CCDC178: variants seen among roughly 807,000 people sequenced by gnomAD.
CCDC178 encodes the protein coiled-coil domain-containing protein 178.
In CCDC178, 126 loss-of-function variants were observed where a neutral mutation model predicts 117.4. The ratio of observed to expected loss-of-function variants is 1.07; its 90% CI spans 0.93 to 1.24. The LOEUF is 1.24. Ranked by LOEUF, CCDC178 falls within the 50% of genes most tolerant of loss-of-function variation. The pLI is 0.00. For missense variants in CCDC178, 1,030 were observed against 986.9 expected, an observed-to-expected ratio of 1.04 and a Z score of -0.59; for synonymous variants, 283 against 313.4, an observed-to-expected ratio of 0.90 and a Z score of 1.02.
At chr18:32,941,741 A>T (rs1023592547) in intron 22 of CCDC178, among the ~76,000 whole-genome samples, 2 of 152,208 alleles carry the variant, frequency 1.3e-5, no homozygotes, top group African/African-American at 4.8e-5. Context: ...TACTGAGCTT[A>T]GACCAAAATT....
At chr18:33,108,624 T>A (rs922531558) in intron 20 of CCDC178, among the ~76,000 whole-genome samples, 2 of 151,618 alleles carry the variant, frequency 1.3e-5, no homozygotes, top group Admixed American at 6.6e-5. Flanking sequence ...ATTTTAAAGG[T>A]CTATTATTAT....
At chr18:33,210,089 A>G (rs563406713) in intron 20 of CCDC178, among the ~76,000 whole-genome samples, 119 of 152,204 alleles carry the variant, frequency 7.8e-4, no homozygotes, top group Non-Finnish European at 1.5e-3. Context: ...CAGCAAAATT[A>G]TCCAAAAAGC....
chr18:32,973,640 G>C (rs1208419557), intron 22 of CCDC178, among the ~76,000 whole-genome samples: 1 of 151,836 alleles, frequency 6.6e-6, no homozygotes, highest in Non-Finnish European at 1.5e-5. Flanking sequence ...ATTTGAAATC[G>C]CTTCATAGCT....
intron 20 of CCDC178, among the ~76,000 whole-genome samples, chr18:33,177,942 T>C (rs1045514526): frequency 2.0e-5 from 3 of 152,196 alleles, no homozygotes; most frequent in Non-Finnish European, 2.9e-5. Flanking sequence ...GAAATTCTTA[T>C]GTTCTCATGA....
chr18:33,056,173 T>C (rs1020342289), intron 21 of CCDC178, among the ~76,000 whole-genome samples: 1 of 152,210 alleles, frequency 6.6e-6, no homozygotes, highest in East Asian at 1.9e-4. Context: ...TGCTACTTAC[T>C]ACATGTGATT....
chr18:33,234,557 G>A (rs555334476), intron 15 of CCDC178, among the ~76,000 whole-genome samples: 71 of 152,080 alleles, frequency 4.7e-4, no homozygotes, highest in African/African-American at 1.7e-3. Flanking sequence ...AGAAAGTGTA[G>A]GGAACTCTTA....
At chr18:33,145,685 A>G (rs1453258745) in intron 20 of CCDC178, among the ~76,000 whole-genome samples, 3 of 152,208 alleles carry the variant, frequency 2.0e-5, no homozygotes, top group African/African-American at 7.2e-5. Flanking sequence ...ACACATAAAA[A>G]AATTTGAGGC....
intron 9 of CCDC178, 39 bp from the exon 10 acceptor site, chr18:33,333,433 G>C: frequency 2.0e-6 from 2 of 1,017,740 alleles, no homozygotes; most frequent in Non-Finnish European, 2.8e-6. Context: ...AAATCTGATT[G>C]GAGGAAATAT....
At chr18:32,974,784 T>C (rs1940467398) in intron 21 of CCDC178, 103 bp from the exon 22 acceptor site, 4 of 1,140,448 alleles carry the variant, frequency 3.5e-6, no homozygotes, top group East Asian at 2.5e-5. Context: ...AAGCAGTCAA[T>C]AGCCCATTCT....
chr18:33,306,449 TACATATG>T (rs2062251265), intron 11 of CCDC178, among the ~76,000 whole-genome samples: 1 of 140,504 alleles, frequency 7.1e-6, no homozygotes, highest in Non-Finnish European at 1.6e-5. Context: ...TGTGTGTGTG[TACATATG>T]GTTATATATA....
intron 2 of CCDC178, among the ~76,000 whole-genome samples, chr18:33,421,367 G>A (rs2064021656): frequency 1.3e-5 from 2 of 152,322 alleles, no homozygotes; most frequent in Admixed American, 6.5e-5. Flanking sequence ...TTTCATCAAT[G>A]TGGCAGTAGC....
intron 21 of CCDC178, among the ~76,000 whole-genome samples, chr18:33,030,530 T>C (rs112402989): frequency 2.3e-5 from 3 of 127,694 alleles, no homozygotes; most frequent in Non-Finnish European, 3.4e-5. Flanking sequence ...AGAAGATAGA[T>C]AGATAGATAG....
chr18:32,994,873 T>C (rs2055471913), intron 21 of CCDC178, among the ~76,000 whole-genome samples: 1 of 152,226 alleles, frequency 6.6e-6, no homozygotes, highest in Non-Finnish European at 1.5e-5. Flanking sequence ...GAGCAGACTT[T>C]TAGTTTTAGT....
intron 2 of CCDC178, among the ~76,000 whole-genome samples, chr18:33,439,199 C>G (rs2064339535): frequency 6.6e-6 from 1 of 152,108 alleles, no homozygotes; most frequent in African/African-American, 2.4e-5. Context: ...AGAATGAAGT[C>G]CATATTATAA....
At chr18:33,329,876 A>AGTGT (rs67627028) in intron 10 of CCDC178, among the ~76,000 whole-genome samples, 20,438 of 131,058 alleles carry the variant, frequency 0.16, 1,842 homozygotes, top group East Asian at 0.36. Flanking sequence ...GAATTATTAG[A>AGTGT]GTGTGTGTGT....
chr18:33,043,542 T>C (rs1050769903), intron 21 of CCDC178, among the ~76,000 whole-genome samples: 1 of 152,058 alleles, frequency 6.6e-6, no homozygotes, highest in Admixed American at 6.6e-5. Context: ...TTAAGTCCTA[T>C]TTAAGCATTT....
intron 11 of CCDC178, among the ~76,000 whole-genome samples, chr18:33,318,317 G>A (rs1483073504): frequency 6.6e-6 from 1 of 152,180 alleles, no homozygotes; most frequent in African/African-American, 2.4e-5. Flanking sequence ...ATATCAGGGA[G>A]GAGAAGCTGA....
intron 6 of CCDC178, among the ~76,000 whole-genome samples, chr18:33,363,149 A>T (rs2063153634): frequency 1.3e-5 from 2 of 152,206 alleles, no homozygotes; most frequent in South Asian, 4.1e-4. Context: ...AGAGGAACAT[A>T]AAACATAATT....
intron 21 of CCDC178, among the ~76,000 whole-genome samples, chr18:33,011,872 T>C (rs1271197532): frequency 1.4e-5 from 2 of 143,642 alleles, no homozygotes; most frequent in Non-Finnish European, 3.0e-5. Flanking sequence ...TTGGAGATGA[T>C]GGTTACGGTG....
Sources: gnomAD v4.1 joint callset for allele counts (sites outside exome capture counted in the v4.1 genomes callset) on GRCh38, gnomAD v4.1.1 for gene constraint, MANE v1.5 for transcripts, NCBI Gene and HGNC (gene_info 2026-07-23, HGNC 2026-07-21) for gene names.